The following CDK12 variants were observed in gnomAD, a reference collection of about 807,000 sequenced individuals.
CDK12 encodes the protein cyclin-dependent kinase 12.
Under a neutral mutation model 133.8 loss-of-function variants are expected in CDK12, and 17 were observed. That is an observed-to-expected ratio of 0.13 (90% CI 0.09 to 0.19). The LOEUF (loss-of-function observed/expected upper bound fraction) is 0.19, where lower values mean the gene tolerates loss of function less well. CDK12 is among the 10% of genes least tolerant of loss of function. The pLI, the probability that CDK12 is intolerant of heterozygous loss-of-function variation, is 1.00. For synonymous variants in CDK12, 694 were observed against 683.6 expected (o/e 1.02, Z -0.24); for missense variants, 1,508 against 1,818.7 (o/e 0.83, Z 3.11).
At position 39,520,018 on chromosome 17, in the gene CDK12, G is replaced by A. The variant is rs2146574651; in HGVS notation, c.3026G>A (p.Cys1009Tyr). The change falls in exon 11 of 14, where the codon TGC (cysteine) becomes TAC (tyrosine). Residue 1009 changes from cysteine to tyrosine, a missense_variant. This residue lies in a region of CDK12 where 399 missense variants were observed against 469.6 expected (regional missense o/e 0.85). Coordinates refer to ENST00000447079, the MANE Select transcript of CDK12 (RefSeq NM_016507.4). ...HMLTLDPSKR[C>Y]TAEQTLQSDF... The stretch of plus-strand genomic sequence containing the variant: ...CTGACACTAGATCCTAGTAAGCGGT[G>A]CACAGCTGAACAGACCCTACAGAGC... 4 of 1,614,036 alleles carry A rather than the reference G, an allele frequency of 2.5e-6. 1 individual carries two copies. In the East Asian group the frequency reaches 6.7e-5, roughly 27 times the overall value.
chr17:39,518,198 T>G (rs1244333785), intron 10 of CDK12, among the ~76,000 whole-genome samples: 1 of 152,052 alleles, frequency 6.6e-6, no homozygotes, highest in African/African-American at 2.4e-5. Context: ...AGGCTGGTCT[T>G]GAACTCCTGA....
chr17:39,553,182 C>G (rs2056022582), intron 2 of CDK12, among the ~76,000 whole-genome samples: 1 of 152,254 alleles, frequency 6.6e-6, no homozygotes, highest in South Asian at 2.1e-4. Flanking sequence ...TCAACTCTTA[C>G]TCTAATAGGA....
Position 39,531,228 on chromosome 17 carries a change from C to G in CDK12, c.4385C>G (p.Pro1462Arg). Residue 1462 changes from proline (P) to arginine (R), a missense_variant, in exon 14 of 14, where the codon CCA (proline) becomes CGA (arginine). Pro to Arg is a moderately radical substitution (Grantham distance 103). Coordinates refer to ENST00000447079, the MANE Select transcript of CDK12 (RefSeq NM_016507.4). The stretch of plus-strand genomic sequence containing the variant: ...GGAGCAGGCCTTCACTGGGGGGGCC[C>G]AACTCAGTCTTCTGCTTATGGAAAA... ...SSGAGLHWGGPTQSSAYGKLY... is the reference protein window; with the variant it reads ...SSGAGLHWGGRTQSSAYGKLY... 1 of 1,515,540 alleles carries G rather than the reference C, an allele frequency of 6.6e-7. No individual in the cohort carries two copies. Among genetic ancestry groups the G allele is most frequent in the Non-Finnish European group, 8.8e-7 (1 of 1,134,182 alleles). 93.9% of individuals were successfully genotyped at this position (1,515,540 alleles called of 1,614,324 possible).
upstream of CDK12, among the ~76,000 whole-genome samples, chr17:39,543,794 G>A (rs1199318233): frequency 1.3e-5 from 2 of 151,876 alleles, no homozygotes; most frequent in Non-Finnish European, 2.9e-5. Context: ...ATCCTTTTTT[G>A]CCTTAGAGTC....
At chr17:39,555,564 A>C (rs1414093722) in intron 2 of CDK12, among the ~76,000 whole-genome samples, 4 of 151,996 alleles carry the variant, frequency 2.6e-5, no homozygotes, top group Admixed American at 2.6e-4. Context: ...TGGGAGATGC[A>C]TAATAAAGCT....
chr17:39,506,211 GA>G (rs2053109079), intron 6 of CDK12, among the ~76,000 whole-genome samples: 3 of 137,568 alleles, frequency 2.2e-5, no homozygotes, highest in South Asian at 2.2e-4. Context: ...ATGATTATAT[GA>G]TTTTTTTTTT....
chr17:39,494,826 G>C, intron 5 of CDK12, 132 bp downstream of exon 5: 3 of 653,110 alleles, frequency 4.6e-6, no homozygotes, highest in Non-Finnish European at 7.5e-6. Flanking sequence ...CTGAACTGCA[G>C]TGGTGCGATT....
At chr17:39,545,711 G>T (rs954122697), upstream of CDK12, among the ~76,000 whole-genome samples, 1 of 150,944 alleles carries the variant, frequency 6.6e-6, no homozygotes, top group African/African-American at 2.4e-5. Context: ...TGTTGGCCAG[G>T]CTGGTCTTGA....
chr17:39,482,695 C>G (rs1381736368), intron 2 of CDK12, among the ~76,000 whole-genome samples: 1 of 146,502 alleles, frequency 6.8e-6, no homozygotes, highest in Non-Finnish European at 1.5e-5. Flanking sequence ...CTACGCCTCC[C>G]AGGTTCAAAC....
intron 1 of CDK12, among the ~76,000 whole-genome samples, chr17:39,464,456 G>C (rs2049155219): frequency 7.1e-6 from 1 of 140,874 alleles, no homozygotes. Flanking sequence ...GGATGGTCTT[G>C]AACTCCTGAG....
chr17:39,535,534 A>G (rs1390806752), downstream of CDK12, among the ~76,000 whole-genome samples: 1 of 152,108 alleles, frequency 6.6e-6, no homozygotes, highest in African/African-American at 2.4e-5. Context: ...ATAAACTTCA[A>G]CCTACTAGAA....
chr17:39,525,820 G>A, intron 12 of CDK12, 44 bp from the exon 13 acceptor site: 1 of 1,496,388 alleles, frequency 6.7e-7, no homozygotes, highest in Non-Finnish European at 9.2e-7. Flanking sequence ...AAGGGCCCTT[G>A]GCCTATCTCA....
intron 3 of CDK12, among the ~76,000 whole-genome samples, chr17:39,562,874 T>A: frequency 7.2e-6 from 1 of 139,158 alleles, no homozygotes; most frequent in East Asian, 2.1e-4. Flanking sequence ...TCTGTCTCTC[T>A]CTTCTCCTTT....
Position 39,510,448 on chromosome 17 carries a change from C to T in CDK12, c.2666+687C>T, listed in dbSNP as rs142013399. Reference sequence around the variant, plus strand: ...AGAATCTTTTTTATTCCTAGATGTTCTAGTATTCTGCAAGTTGCAACAACT... The same window carrying T: ...AGAATCTTTTTTATTCCTAGATGTTTTAGTATTCTGCAAGTTGCAACAACT... On this transcript the variant is annotated intron_variant, in intron 7 of 13. Transcript: ENST00000447079. Among the ~76,000 whole-genome samples, 206 of 151,822 alleles carry T rather than the reference C, an allele frequency of 1.4e-3. 4 individuals are homozygous for T. In the East Asian group the frequency reaches 0.031, roughly 23 times the overall value.
chr17:39,464,659 C>T (rs2049168972), intron 1 of CDK12, among the ~76,000 whole-genome samples: 2 of 151,986 alleles, frequency 1.3e-5, no homozygotes, highest in Admixed American at 6.6e-5. Context: ...TTTCCTCCTC[C>T]ATTTTATTAT....
intron 2 of CDK12, among the ~76,000 whole-genome samples, chr17:39,479,696 G>T (rs930363182): frequency 6.6e-6 from 1 of 150,746 alleles, no homozygotes. Flanking sequence ...GCATGATCTC[G>T]GCTCACTGTA....
chr17:39,471,753 G>T lies in CDK12; in HGVS notation c.1921G>T (p.Asp641Tyr), dbSNP rs1471474049. 2 of 1,611,218 alleles carry T rather than the reference G, an allele frequency of 1.2e-6. No individual in the cohort carries two copies. Among genetic ancestry groups the T allele is most frequent in the Admixed American group, 3.3e-5 (2 of 59,742 alleles). The change falls in exon 2 of 14, where the codon GAC (aspartate) becomes TAC (tyrosine). Residue 641 changes from aspartate to tyrosine, a missense_variant. By Grantham distance (160) the Asp-to-Tyr change is radical. This residue lies in a region of CDK12 where 347 missense variants were observed against 330.8 expected (regional missense o/e 1.05). Transcript: ENST00000447079. Reference sequence around the variant, plus strand: ...CCCACCCTTATTACCTGGAGATGATGACATGGATAGGTAAGTCCTATAGTG... The same window carrying T: ...CCCACCCTTATTACCTGGAGATGATTACATGGATAGGTAAGTCCTATAGTG... The part of the protein sequence containing the change: ...PLPPLLPGDD[D>Y]MDSPKETLPS...
downstream of CDK12, among the ~76,000 whole-genome samples, chr17:39,538,619 C>T (rs190331893): frequency 3.5e-4 from 54 of 152,356 alleles, no homozygotes; most frequent in Admixed American, 3.5e-3. Context: ...CCCCGGCTAC[C>T]TGGGAGCGGT....
chr17:39,503,374 A>T (rs1001854082), intron 6 of CDK12, among the ~76,000 whole-genome samples: 2 of 152,122 alleles, frequency 1.3e-5, no homozygotes, highest in Non-Finnish European at 2.9e-5. Context: ...CGCCCGGCCA[A>T]AAGAGTATTT....
Sources: allele counts gnomAD v4.1 joint callset (sites outside exome capture counted in the v4.1 genomes callset), GRCh38; gene constraint gnomAD v4.1.1; regional missense constraint gnomAD v4.1.1; transcripts MANE v1.5; gene names NCBI Gene and HGNC (gene_info 2026-07-23, HGNC 2026-07-21).